The following IPO7 variants were observed in gnomAD, a reference collection of about 807,000 sequenced individuals.
IPO7 encodes the protein importin-7.
Under a neutral mutation model 136.4 loss-of-function variants are expected in IPO7, and 13 were observed. The ratio of observed to expected loss-of-function variants is 0.10; its 90% confidence interval spans 0.06 to 0.15. IPO7 has a LOEUF of 0.15. Among genes scored for constraint, IPO7 ranks in the 10% least tolerant of loss-of-function variants. IPO7 has a pLI of 1.00. For missense variants in IPO7, 857 were observed against 1,240.6 expected (o/e 0.69, Z 4.65); for synonymous variants, 403 against 404.4 (o/e 1.00, Z 0.04).
rs1855522238 is a variant in IPO7 at position 9,446,024 on chromosome 11, TG to T, written c.*831del. Reference sequence around the variant, plus strand: ...AGTGGTATTTCATTGCTGCTAAAAATGACAACTCCCTCTGTGTCCTGTTTTT... The same window carrying T: ...AGTGGTATTTCATTGCTGCTAAAAATACAACTCCCTCTGTGTCCTGTTTTT... On this transcript the variant is annotated 3_prime_UTR_variant, in exon 25 of 25. Transcript: ENST00000379719. The T allele has an allele frequency of 6.6e-6, 1 of 152,190 alleles. No individual in the cohort carries two copies. The highest frequency in any genetic ancestry group is 1.5e-5 in the Non-Finnish European group (1 of 68,034). The allele number at this position is 152,190 out of a possible 1,614,324, so 9.4% of individuals were successfully genotyped here.
chr11:9,445,249 A>G lies in IPO7; in HGVS notation c.*55A>G, dbSNP rs2133770947. On this transcript the variant is annotated 3_prime_UTR_variant, in exon 25 of 25. Transcript: ENST00000379719. ...GTAGTGAAGAGCTTGTGTTCCTCCT[A>G]GTAGTGGTTCCAGAACTGGTTCATG... The G allele has an allele frequency of 2.7e-6, 3 of 1,105,942 alleles. No individual in the cohort carries two copies. The South Asian group carries it at 3.7e-5, about 14-fold the overall frequency. 68.5% of individuals were successfully genotyped at this position (1,105,942 alleles called of 1,614,324 possible). A position where few individuals can be genotyped will look rare whatever the true frequency, so the allele number is the denominator to read the frequency against.
chr11:9,424,355 C>G (rs1375560076), intron 10 of IPO7, among the ~76,000 whole-genome samples: 1 of 152,212 alleles, frequency 6.6e-6, no homozygotes, highest in African/African-American at 2.4e-5. Context: ...AAAATTCTCA[C>G]ATCAGTAGTG....
At chr11:9,395,925 G>A (rs1223233099) in intron 1 of IPO7, among the ~76,000 whole-genome samples, 2 of 151,394 alleles carry the variant, frequency 1.3e-5, no homozygotes, top group East Asian at 4.0e-4. Flanking sequence ...GTTTTACCAT[G>A]TTGGTCAGGC....
chr11:9,385,370 G>T (rs910584308), intron 1 of IPO7, among the ~76,000 whole-genome samples: 1 of 152,154 alleles, frequency 6.6e-6, no homozygotes, highest in Non-Finnish European at 1.5e-5. Flanking sequence ...CTCCTCTCTG[G>T]CTGAGTTGCT....
intron 1 of IPO7, among the ~76,000 whole-genome samples, chr11:9,398,909 G>A (rs1218282233): frequency 6.6e-6 from 1 of 152,168 alleles, no homozygotes; most frequent in Non-Finnish European, 1.5e-5. Flanking sequence ...GGTAGGTGGG[G>A]CAGTGAGTGG....
At chr11:9,428,761 C>T in intron 13 of IPO7, 132 bp downstream of exon 13, 1 of 789,164 alleles carries the variant, frequency 1.3e-6, no homozygotes, top group Middle Eastern at 2.2e-4. Context: ...TAATGTAAAT[C>T]TTTACATGGC....
intron 6 of IPO7, among the ~76,000 whole-genome samples, chr11:9,419,545 T>TAAAAAAAAA (rs1178586532): frequency 8.4e-4 from 77 of 91,684 alleles, no homozygotes; most frequent in African/African-American, 3.3e-3. Flanking sequence ...AGACTCTGTC[T>TAAAAAAAAA]AAAAAAAAAA....
chr11:9,390,264 G>A (rs1854610312), intron 1 of IPO7, among the ~76,000 whole-genome samples: 1 of 151,186 alleles, frequency 6.6e-6, no homozygotes, highest in Non-Finnish European at 1.5e-5. Context: ...CTTGCTTTTG[G>A]TAAGTTTCTT....
rs1367590996 is a variant in IPO7, at chr11:9,446,454, T to C, written c.*1260T>C. On this transcript the variant is annotated 3_prime_UTR_variant, in exon 25 of 25. Transcript: ENST00000379719. ...ACATGGTTCCCTCCAAAAACCACTA[T>C]TGATACCACTACAAAAACAAGCCAG... 1 of 152,198 alleles carries C rather than the reference T, an allele frequency of 6.6e-6. No homozygotes were observed. The highest frequency in any genetic ancestry group is 2.1e-4 in the South Asian group (1 of 4,828). 9.4% of individuals were successfully genotyped at this position (152,198 alleles called of 1,614,324 possible).
chr11:9,442,755 G>T (rs181866112), intron 24 of IPO7, among the ~76,000 whole-genome samples: 234 of 152,008 alleles, frequency 1.5e-3, no homozygotes, highest in Non-Finnish European at 2.3e-3. Context: ...AGGTGTGGTG[G>T]CTCATGCCTG....
chr11:9,419,559 A>AAAATATATATATATATATATATATAT (rs1256216265), intron 6 of IPO7, among the ~76,000 whole-genome samples: 1 of 116,866 alleles, frequency 8.6e-6, no homozygotes, highest in African/African-American at 3.8e-5. Flanking sequence ...AAAAAAAAAA[A>AAAATATATATATATATATATATATAT]ATATATATAT....
At chr11:9,416,999 A>G (rs775754842) in intron 5 of IPO7, 60 bp from the exon 6 acceptor site, 8 of 820,902 alleles carry the variant, frequency 9.7e-6, no homozygotes, top group Non-Finnish European at 1.4e-5. Flanking sequence ...TGAAGAGTAA[A>G]AAGAAGTAGG....
At chr11:9,430,187 C>A (rs748253338) in intron 15 of IPO7, among the ~76,000 whole-genome samples, 1 of 152,132 alleles carries the variant, frequency 6.6e-6, no homozygotes, top group East Asian at 1.9e-4. Context: ...CGGTACCAGT[C>A]CACTGCCTGG....
intron 2 of IPO7, among the ~76,000 whole-genome samples, chr11:9,404,553 C>T (rs1364567934): frequency 6.7e-6 from 1 of 149,520 alleles, no homozygotes; most frequent in Admixed American, 6.8e-5. Flanking sequence ...TACATAGTTC[C>T]GGTCTTCGGA....
rs772086118 is a variant in IPO7, at chr11:9,414,351, G to C, written c.576G>C (p.Gln192His). 6.2e-7 allele frequency: 1 copy of C among 1,612,618 alleles called. No homozygotes were observed. Among genetic ancestry groups the C allele is most frequent in the Non-Finnish European group, 8.5e-7 (1 of 1,178,818 alleles). The change falls in exon 5 of 25, where the codon CAG (glutamine) becomes CAC (histidine). Residue 192 changes from glutamine (Q) to histidine (H), a missense_variant. Coordinates refer to ENST00000379719, the MANE Select transcript of IPO7 (RefSeq NM_006391.3). Reference sequence around the variant, plus strand: ...GTTTTATCCAGCTTCTTTCTGACCAGTCTGATCAGTCTGTCCTCATCCAGA... The same window carrying C: ...GTTTTATCCAGCTTCTTTCTGACCACTCTGATCAGTCTGTCCTCATCCAGA... Reference protein sequence around the residue: ...KDRFIQLLSDQSDQSVLIQKQ... With the variant: ...KDRFIQLLSDHSDQSVLIQKQ...
At chr11:9,419,299 C>G (rs1190539546) in intron 6 of IPO7, among the ~76,000 whole-genome samples, 1 of 152,088 alleles carries the variant, frequency 6.6e-6, no homozygotes, top group Non-Finnish European at 1.5e-5. Context: ...CCTGTAATCA[C>G]AGCACTTTGG....
At chr11:9,437,725 T>C (rs1181390015) in intron 20 of IPO7, 29 bp from the exon 21 acceptor site, 1 of 1,483,102 alleles carries the variant, frequency 6.7e-7, no homozygotes, top group South Asian at 1.2e-5. Flanking sequence ...AATTATAGTC[T>C]TAGAATATCT....
chr11:9,433,903 G>A, intron 18 of IPO7, 57 bp downstream of exon 18: 1 of 1,485,938 alleles, frequency 6.7e-7, no homozygotes, highest in Non-Finnish European at 9.1e-7. Context: ...TTTATTTGTA[G>A]CTTATCATTT....
chr11:9,425,284 T>G (rs1855187387), intron 12 of IPO7, 22 bp downstream of exon 12: 4 of 1,302,390 alleles, frequency 3.1e-6, no homozygotes, highest in Non-Finnish European at 3.3e-6. Flanking sequence ...TGTGTTTGTA[T>G]GTGCATGACT....
Sources: allele counts gnomAD v4.1 joint callset (sites outside exome capture counted in the v4.1 genomes callset), GRCh38; gene constraint gnomAD v4.1.1; transcripts MANE v1.5; gene names NCBI Gene and HGNC (gene_info 2026-07-23, HGNC 2026-07-21).